CYFIP1: variants seen among roughly 807,000 people sequenced by gnomAD.
CYFIP1 encodes the protein cytoplasmic FMR1-interacting protein 1.
In CYFIP1, 58 loss-of-function variants were observed where a neutral mutation model predicts 163.5. The ratio of observed to expected loss-of-function variants is 0.35; its 90% CI spans 0.29 to 0.44. The LOEUF is 0.44. Among genes scored for constraint, CYFIP1 ranks in the 20% least tolerant of loss-of-function variants. The pLI, the probability that CYFIP1 is intolerant of heterozygous loss-of-function variation, is 1.00. For missense variants in CYFIP1, 1,338 were observed against 1,653.8 expected (o/e 0.81, Z 3.31); for synonymous variants, 663 against 660.7 (o/e 1.00, Z -0.05).
chr15:22,937,080 T>C (rs1265031444), intron 9 of CYFIP1, 24 bp downstream of exon 9: 2 of 1,468,514 alleles, frequency 1.4e-6, no homozygotes, highest in South Asian at 1.1e-5. Context: ...AATAAAAACA[T>C]TGATCTAAAA....
At chr15:22,937,021 A>G in intron 9 of CYFIP1, 83 bp downstream of exon 9, 1 of 903,060 alleles carries the variant, frequency 1.1e-6, no homozygotes, top group Non-Finnish European at 1.8e-6. Context: ...GATATAGATC[A>G]CAGTCACACA....
At chr15:22,919,066 G>A (rs182108213) in intron 13 of CYFIP1, among the ~76,000 whole-genome samples, 3 of 152,244 alleles carry the variant, frequency 2.0e-5, no homozygotes, top group African/African-American at 7.2e-5. Flanking sequence ...ATCAGACCAT[G>A]AGCACCTGGA....
intron 22 of CYFIP1, among the ~76,000 whole-genome samples, chr15:22,897,490 T>TG (rs1555402301): frequency 6.6e-6 from 1 of 151,298 alleles, no homozygotes; most frequent in Non-Finnish European, 1.5e-5. Context: ...TTTTTTTTTT[T>TG]GTTTGTGTTG....
chr15:22,910,828 A>C lies in CYFIP1; in HGVS notation c.2083-15T>G. 1 of 1,607,094 alleles carries C rather than the reference A, an allele frequency of 6.2e-7. No homozygotes were observed. Among genetic ancestry groups the C allele is most frequent in the Non-Finnish European group, 8.5e-7 (1 of 1,173,928 alleles). On this transcript the variant is annotated splice_polypyrimidine_tract_variant and intron_variant, in intron 18 of 30. Coordinates refer to ENST00000617928, the MANE Select transcript of CYFIP1 (RefSeq NM_014608.6). ...CATAGATTCACCTGAAGAAAAAGAA[A>C]GCACACGTTACAGTTTGATTCCCTA...
At chr15:22,963,122 G>A (rs1384620133) in intron 1 of CYFIP1, among the ~76,000 whole-genome samples, 1 of 152,156 alleles carries the variant, frequency 6.6e-6, no homozygotes, top group Non-Finnish European at 1.5e-5. Context: ...AGAGGTAAAG[G>A]GCCTCAAGTG....
intron 1 of CYFIP1, among the ~76,000 whole-genome samples, chr15:22,953,086 C>T (rs1000584465): frequency 2.0e-5 from 3 of 152,252 alleles, no homozygotes; most frequent in Admixed American, 1.3e-4. Context: ...GCTCTCCGTC[C>T]GTGCATCTTC....
intron 8 of CYFIP1, 99 bp from the exon 9 acceptor site, chr15:22,937,307 C>A: frequency 1.4e-6 from 1 of 716,120 alleles, no homozygotes; most frequent in Non-Finnish European, 2.5e-6. Context: ...TTTGAAGGCA[C>A]AATTTGAAAT....
At chr15:22,929,430 G>A (rs1294795405) in intron 11 of CYFIP1, among the ~76,000 whole-genome samples, 1 of 151,852 alleles carries the variant, frequency 6.6e-6, no homozygotes, top group Non-Finnish European at 1.5e-5. Flanking sequence ...TCAAGAGATG[G>A]AGATCATCCT....
At chr15:22,905,257 G>A (rs958751612) in intron 21 of CYFIP1, 3 of 152,126 alleles carry the variant, frequency 2.0e-5, no homozygotes, top group African/African-American at 7.2e-5. Flanking sequence ...CCAAATACAT[G>A]ATGTATGCTT....
chr15:22,871,346 G>C (rs912593395), intron 30 of CYFIP1, among the ~76,000 whole-genome samples: 2 of 152,202 alleles, frequency 1.3e-5, no homozygotes, highest in Admixed American at 6.5e-5. Flanking sequence ...CAATAAAACT[G>C]TCAGTTACCA....
rs2062330101 is a variant in CYFIP1, at chr15:22,953,451, C to T, written c.-6-6160G>A. Among the ~76,000 whole-genome samples, 3 of 152,282 alleles carry T rather than the reference C, an allele frequency of 2.0e-5. No homozygotes were observed. In the South Asian group the frequency reaches 6.2e-4, roughly 32 times the overall value. On this transcript the variant is annotated intron_variant, in intron 1 of 30. Transcript: ENST00000617928. ...AGCCGCCTGCACCCTGGGATTTTTT[C>T]CGGCCCTCCTTTTGTCCTCCCATGA...
chr15:22,958,097 CTTTT>C (rs57822590), intron 1 of CYFIP1, among the ~76,000 whole-genome samples: 4 of 141,352 alleles, frequency 2.8e-5, no homozygotes, highest in Non-Finnish European at 6.2e-5. Context: ...AAGTAATTTG[CTTTT>C]TTTTTTTTTT....
intron 3 of CYFIP1, among the ~76,000 whole-genome samples, chr15:22,945,898 T>A (rs1464519570): frequency 6.6e-6 from 1 of 152,212 alleles, no homozygotes. Flanking sequence ...CATTTTTTTA[T>A]TACACGACAT....
At chr15:22,924,188 C>T (rs2061286688) in intron 13 of CYFIP1, among the ~76,000 whole-genome samples, 1 of 152,006 alleles carries the variant, frequency 6.6e-6, no homozygotes, top group African/African-American at 2.4e-5. Context: ...CTTTGGAAGC[C>T]CAAGGCAGGC....
chr15:22,940,797 T>C (rs1011597394), intron 6 of CYFIP1, among the ~76,000 whole-genome samples: 4 of 152,194 alleles, frequency 2.6e-5, no homozygotes, highest in African/African-American at 9.7e-5. Flanking sequence ...TCCCAGCATT[T>C]TGGGAGAAGG....
chr15:22,870,174 C>T lies in CYFIP1; in HGVS notation c.3616G>A (p.Glu1206Lys). ...AGAATCTGGAACTTGCGAATTCTCT[C>T]CACCATCTTCTTCAAAGGCTACAAC... ...IKNVPLKKMVERIRKFQILND... is the reference protein window; with the variant it reads ...IKNVPLKKMVKRIRKFQILND... Residue 1206 changes from glutamate to lysine, a missense_variant, in exon 31 of 31, where the codon GAG (glutamate) becomes AAG (lysine). Transcript: ENST00000617928. 6.2e-7 allele frequency: 1 copy of T among 1,609,964 alleles called. No individual in the cohort carries two copies. Among genetic ancestry groups the T allele is most frequent in the Non-Finnish European group, 8.5e-7 (1 of 1,178,436 alleles).
chr15:22,897,747 G>A lies in CYFIP1; in HGVS notation c.2589-4770C>T, dbSNP rs552100254. On this transcript the variant is annotated intron_variant, in intron 22 of 30. Coordinates refer to ENST00000617928, the MANE Select transcript of CYFIP1 (RefSeq NM_014608.6). Reference sequence around the variant, plus strand: ...GATTTGCCTGTCTTGGCCTCCCAAAGTGCTGGGATTACAGGCGTGAGCCAC... The same window carrying A: ...GATTTGCCTGTCTTGGCCTCCCAAAATGCTGGGATTACAGGCGTGAGCCAC... Among the ~76,000 whole-genome samples, 67 of 152,306 alleles carry A rather than the reference G, an allele frequency of 4.4e-4. 1 individual carries two copies. In the Middle Eastern group the frequency reaches 0.01, roughly 23 times the overall value.
rs1254462811 is a variant in CYFIP1, at chr15:22,898,369, TG to T, written c.2588+5336del. Among the ~76,000 whole-genome samples the T allele has an allele frequency of 3.9e-5, 6 of 152,038 alleles. No homozygotes were observed. The East Asian group carries it at 1.2e-3, about 29-fold the overall frequency. ...ATGTCCTGGGTTCAAGCAATTCTCC[TG>T]CCTGGGCCTCCTGAGTAGCTGGGAC... is the stretch of plus-strand genomic sequence containing the variant. On this transcript the variant is annotated intron_variant, in intron 22 of 30. Transcript: ENST00000617928.
intron 23 of CYFIP1, among the ~76,000 whole-genome samples, chr15:22,883,696 A>G (rs1752329539): frequency 6.6e-6 from 1 of 151,404 alleles, no homozygotes; most frequent in Non-Finnish European, 1.5e-5. Flanking sequence ...AGGTGCCTGT[A>G]GTCCCAGCTA....
Sources: gnomAD v4.1 joint callset for allele counts (sites outside exome capture counted in the v4.1 genomes callset) on GRCh38, gnomAD v4.1.1 for gene constraint, MANE v1.5 for transcripts, NCBI Gene and HGNC (gene_info 2026-07-23, HGNC 2026-07-21) for gene names.